KCNMB3: variants seen among roughly 807,000 people sequenced by gnomAD.
The protein encoded by KCNMB3 is potassium calcium-activated channel subfamily M regulatory beta subunit 3, also known as calcium-activated potassium channel subunit beta-3.
KCNMB3 carries 18 observed loss-of-function variants against 11.9 expected under a neutral mutation model. The ratio of observed to expected loss-of-function variants is 1.51; its 90% CI spans 1.04 to 2.23. KCNMB3 has a LOEUF of 2.23. Ranked by LOEUF, KCNMB3 falls within the 30% of genes most tolerant of loss-of-function variation. KCNMB3 has a pLI of 0.00. For synonymous variants in KCNMB3, 78 were observed against 119.2 expected (o/e 0.65, Z 2.25); for missense variants, 247 against 329.4 (o/e 0.75, Z 1.94).
At chr3:179,262,217 GATA>G (rs1438930746) in intron 1 of KCNMB3, among the ~76,000 whole-genome samples, 8 of 152,216 alleles carry the variant, frequency 5.3e-5, no homozygotes, top group Admixed American at 5.2e-4. Context: ...TTATCTAAAT[GATA>G]AATATAGAAT....
chr3:179,252,783 G>A (rs1373346735), upstream of KCNMB3, among the ~76,000 whole-genome samples: 1 of 148,722 alleles, frequency 6.7e-6, no homozygotes, highest in Non-Finnish European at 1.5e-5. Context: ...CCAGGCTGGA[G>A]TGCAGTGGGG....
intron 1 of KCNMB3, among the ~76,000 whole-genome samples, chr3:179,249,415 C>G (rs1352241985): frequency 6.6e-6 from 1 of 151,384 alleles, no homozygotes; most frequent in African/African-American, 2.4e-5. Context: ...AATCCCAGCA[C>G]TTTGGGAGGC....
chr3:179,266,582 C>T, intron 1 of KCNMB3: 1 of 1,580,268 alleles, frequency 6.3e-7, no homozygotes, highest in Non-Finnish European at 8.7e-7. Flanking sequence ...TCGAGATGTC[C>T]CCTCTTCTTG....
chr3:179,249,937 A>C (rs542545711), intron 1 of KCNMB3, among the ~76,000 whole-genome samples: 1 of 152,318 alleles, frequency 6.6e-6, no homozygotes, highest in East Asian at 1.9e-4. Context: ...GCTGGGCTTA[A>C]TACCCAGGTG....
intron 1 of KCNMB3, among the ~76,000 whole-genome samples, chr3:179,248,748 T>C (rs1299079745): frequency 6.6e-6 from 1 of 151,304 alleles, no homozygotes; most frequent in Non-Finnish European, 1.5e-5. Context: ...AAAAAAAACT[T>C]AACTACTAAT....
chr3:179,263,380 C>T (rs1022743092), intron 1 of KCNMB3, among the ~76,000 whole-genome samples: 3 of 152,232 alleles, frequency 2.0e-5, no homozygotes, highest in South Asian at 2.1e-4. Flanking sequence ...GGTTCCCGCC[C>T]GCGCCTCTCC....
At chr3:179,261,854 C>G (rs918273126) in intron 1 of KCNMB3, among the ~76,000 whole-genome samples, 1 of 152,022 alleles carries the variant, frequency 6.6e-6, no homozygotes, top group Admixed American at 6.5e-5. Flanking sequence ...GGAGAACTAT[C>G]TATATGCATG....
chr3:179,242,701 G>T, downstream of KCNMB3: 2 of 883,758 alleles, frequency 2.3e-6, no homozygotes, highest in South Asian at 2.9e-5. Context: ...GAAAGAGATT[G>T]GGATTAGAAA....
intron 1 of KCNMB3, among the ~76,000 whole-genome samples, chr3:179,257,251 A>AT (rs897804615): frequency 2.6e-5 from 4 of 152,034 alleles, no homozygotes; most frequent in Non-Finnish European, 5.9e-5. Flanking sequence ...TCCACTTGCA[A>AT]TTTTTTTTAC....
At chr3:179,258,965 AAGAGCCCCTCACACTC>A in intron 1 of KCNMB3, 1 of 1,614,080 alleles carries the variant, frequency 6.2e-7, no homozygotes, top group Non-Finnish European at 8.5e-7. Context: ...GTGGAGAGAA[AAGAGCCCCTCACACTC>A]AGACTTCCTG....
chr3:179,262,707 G>A (rs1398215425), intron 1 of KCNMB3, among the ~76,000 whole-genome samples: 1 of 152,180 alleles, frequency 6.6e-6, no homozygotes, highest in Non-Finnish European at 1.5e-5. Context: ...GGTGCTGATT[G>A]GTGCGTTTAC....
chr3:179,263,200 G>C (rs557982303), intron 1 of KCNMB3, among the ~76,000 whole-genome samples: 117 of 152,354 alleles, frequency 7.7e-4, no homozygotes, highest in African/African-American at 2.6e-3. Flanking sequence ...CCTGCCCCGC[G>C]GGGAGGCACC....
chr3:179,265,164 C>T (rs1251888774), intron 1 of KCNMB3, among the ~76,000 whole-genome samples: 1 of 152,126 alleles, frequency 6.6e-6, no homozygotes. Context: ...TGTCTGTTCA[C>T]AAAAAAATTG....
rs895024799 is a variant in KCNMB3, at chr3:179,266,941, A to G, written c.-231T>C. The G allele has an allele frequency of 1.6e-5, 22 of 1,350,496 alleles. No individual in the cohort carries two copies. The African/African-American group carries it at 3.2e-4, about 20-fold the overall frequency. The allele number at this position is 1,350,496 out of a possible 1,614,324, so 83.7% of individuals were successfully genotyped here. ...GGCAAGGCGGAGCGGTCAGTTCTAG[A>G]TGATCAAGAAGGACCTGCGTGGTTT... On this transcript the variant is annotated 5_prime_UTR_variant, in exon 1 of 4. Coordinates refer to the KCNMB3 transcript ENST00000349697.
chr3:179,266,857 C>A, exon 1 of KCNMB3: 1 of 1,437,746 alleles, frequency 7.0e-7, no homozygotes, highest in South Asian at 1.5e-5. Context: ...AGAAGCCCCC[C>A]GCCTTCCTGG....
chr3:179,264,850 TTG>T (rs1726323548), intron 1 of KCNMB3, among the ~76,000 whole-genome samples: 1 of 152,234 alleles, frequency 6.6e-6, no homozygotes, highest in South Asian at 2.1e-4. Flanking sequence ...GTAATTCGTT[TTG>T]GTTACAGAGG....
At chr3:179,266,799 G>C in exon 1 of KCNMB3, 1 of 1,548,080 alleles carries the variant, frequency 6.5e-7, no homozygotes, top group South Asian at 1.2e-5. Flanking sequence ...ATCCACGGAA[G>C]TGGAGTCCCA....
At position 179,250,921 on chromosome 3, in the gene KCNMB3, C is replaced by G; in HGVS notation, c.70G>C (p.Ala24Pro). 1 of 1,614,124 alleles carries G rather than the reference C, an allele frequency of 6.2e-7. No individual in the cohort carries two copies. Among genetic ancestry groups the G allele is most frequent in the Non-Finnish European group, 8.5e-7 (1 of 1,180,024 alleles). Reference protein sequence around the residue: ...SPFPQRTAFPASGKKRETDYS... With the variant: ...SPFPQRTAFPPSGKKRETDYS... ...TCTGTCTCTCTCTTCTTCCCTGAGG[C>G]AGGAAAGGCTGTCCTTTGGGGAAAG... Residue 24 changes from alanine to proline, a missense_variant, in exon 1 of 3, where the codon GCC (alanine) becomes CCC (proline). Ala to Pro is a conservative substitution (Grantham distance 27, BLOSUM62 -1). Transcript: ENST00000392685.
chr3:179,251,200 G>A, upstream of KCNMB3: 2 of 1,588,148 alleles, frequency 1.3e-6, no homozygotes, highest in South Asian at 2.3e-5. Context: ...GTAGAGATCT[G>A]TTTAATCAAT....
Sources: gnomAD v4.1 joint callset for allele counts (sites outside exome capture counted in the v4.1 genomes callset) on GRCh38, gnomAD v4.1.1 for gene constraint, MANE v1.5 for transcripts, NCBI Gene and HGNC (gene_info 2026-07-23, HGNC 2026-07-21) for gene names.